SRD5A3: variants seen among roughly 807,000 people sequenced by gnomAD.
The protein encoded by SRD5A3 is steroid 5 alpha-reductase 3, also known as polyprenal reductase.
In SRD5A3, 24 loss-of-function variants were observed where a neutral mutation model predicts 34.3. The ratio of observed to expected loss-of-function variants is 0.70; its 90% CI spans 0.51 to 0.99. The LOEUF (loss-of-function observed/expected upper bound fraction) is 0.99. SRD5A3 is among the 50% of genes least tolerant of loss of function. The probability of loss-of-function intolerance (pLI) is 0.00; values close to 1 mark genes in which losing one functional copy is unlikely to be tolerated. For missense variants in SRD5A3, 350 were observed against 388.2 expected (o/e 0.90, Z 0.83); for synonymous variants, 161 against 167.3 (o/e 0.96, Z 0.29).
At chr4:55,353,880 C>T (rs112226516) in intron 1 of SRD5A3, among the ~76,000 whole-genome samples, 69 of 152,286 alleles carry the variant, frequency 4.5e-4, no homozygotes, top group African/African-American at 1.3e-3. Flanking sequence ...ACACTCACTG[C>T]GAGAGTCCAC....
At chr4:55,353,676 G>C (rs377066542) in intron 1 of SRD5A3, among the ~76,000 whole-genome samples, 1 of 151,698 alleles carries the variant, frequency 6.6e-6, no homozygotes, top group African/African-American at 2.4e-5. Flanking sequence ...TGAAGTCAGC[G>C]AGACCACGAA....
rs1560373656 is a variant in SRD5A3, at chr4:55,367,658, CT to C, written c.634del (p.Trp212GlyfsTer46). ...FHILGMMMFI[W>X]SSAHQYKCHV... is the part of the protein sequence containing the mutation. ...ATATTCTTGGGATGATGATGTTCAT[CT>C]GGTCATCTGCCCATCAGTATAAGTG... On this transcript the variant is annotated frameshift_variant, in exon 4 of 5. Coordinates refer to ENST00000264228, the MANE Select transcript of SRD5A3 (RefSeq NM_024592.5). LOFTEE classifies it high-confidence loss of function. 1 of 1,613,966 alleles carries C rather than the reference CT, an allele frequency of 6.2e-7. No homozygotes were observed. Among genetic ancestry groups the C allele is most frequent in the Non-Finnish European group, 8.5e-7 (1 of 1,179,984 alleles).
chr4:55,370,119 C>T lies in SRD5A3; in HGVS notation c.*28C>T. On this transcript the variant is annotated 3_prime_UTR_variant, in exon 5 of 5. Coordinates refer to ENST00000264228, the MANE Select transcript of SRD5A3 (RefSeq NM_024592.5). ...TAACCTCAGTCATGAAGAATGCAAA[C>T]CAGGTGATGGTTTCAATGCCTAAGG... 6.2e-7 allele frequency: 1 copy of T among 1,611,626 alleles called. No individual in the cohort carries two copies. Among genetic ancestry groups the T allele is most frequent in the Non-Finnish European group, 8.5e-7 (1 of 1,179,954 alleles).
Position 55,368,930 on chromosome 4 carries a change from G to T in SRD5A3, c.698-902G>T, listed in dbSNP as rs528711652. On this transcript the variant is annotated intron_variant, in intron 4 of 4. Coordinates refer to ENST00000264228, the MANE Select transcript of SRD5A3 (RefSeq NM_024592.5). The stretch of plus-strand genomic sequence containing the variant: ...ATTTTTATATTTTTAGTAGAGCTGG[G>T]GTTTCACCATGTTGGCCAGGCTGGT... Among the ~76,000 whole-genome samples the T allele has an allele frequency of 4.6e-5, 7 of 151,788 alleles. No homozygotes were observed. The South Asian group carries it at 1.2e-3, about 27-fold the overall frequency.
Position 55,370,480 on chromosome 4 carries a change from GATC to G in SRD5A3, c.*394_*396del, listed in dbSNP as rs1343531952. On this transcript the variant is annotated 3_prime_UTR_variant, in exon 5 of 5. Coordinates refer to ENST00000264228, the MANE Select transcript of SRD5A3 (RefSeq NM_024592.5). The stretch of plus-strand genomic sequence containing the variant: ...ACACACACACACACACACAAAGGAA[GATC>G]ATCAATGGCTGCGGTAGCCTAGTAG... 1 of 266,982 alleles carries G rather than the reference GATC, an allele frequency of 3.7e-6. No individual in the cohort carries two copies. Among genetic ancestry groups the G allele is most frequent in the Non-Finnish European group, 7.0e-6 (1 of 141,938 alleles). The allele number at this position is 266,982 out of a possible 1,614,324, so 16.5% of individuals were successfully genotyped here.
chr4:55,351,734 A>G (rs962526675), intron 1 of SRD5A3: 1 of 425,506 alleles, frequency 2.4e-6, no homozygotes, highest in Admixed American at 2.8e-5. Flanking sequence ...ATAATAATTC[A>G]TGCTCTTGCA....
chr4:55,365,912 CTG>C (rs1719878711), intron 3 of SRD5A3, among the ~76,000 whole-genome samples: 1 of 152,212 alleles, frequency 6.6e-6, no homozygotes, highest in African/African-American at 2.4e-5. Context: ...TTGAGCTTCT[CTG>C]AGCCTCACAG....
chr4:55,347,675 G>C (rs1030143898), intron 1 of SRD5A3, among the ~76,000 whole-genome samples: 10 of 152,164 alleles, frequency 6.6e-5, no homozygotes, highest in African/African-American at 2.4e-4. Context: ...GTTGTCGCTT[G>C]AAACACTCAT....
intron 1 of SRD5A3, 66 bp downstream of exon 1, chr4:55,346,623 CGGGCAGCCAGCAGG>C: frequency 2.8e-6 from 4 of 1,428,120 alleles, no homozygotes; most frequent in Non-Finnish European, 3.7e-6. Flanking sequence ...CCCCGGCTCG[CGGGCAGCCAGCAGG>C]GGGCAGCAGA....
chr4:55,359,158 G>T, intron 1 of SRD5A3, 188 bp from the exon 2 acceptor site: 1 of 689,514 alleles, frequency 1.5e-6, no homozygotes, highest in Non-Finnish European at 2.4e-6. Flanking sequence ...AAAGTTAACT[G>T]GTCCCGTTAT....
chr4:55,368,565 C>T (rs1719996395), intron 4 of SRD5A3, among the ~76,000 whole-genome samples: 1 of 150,130 alleles, frequency 6.7e-6, no homozygotes, highest in Non-Finnish European at 1.5e-5. Flanking sequence ...GCTGGGACTA[C>T]AGGTGCGCAC....
chr4:55,368,717 C>T (rs1053692607), intron 4 of SRD5A3, among the ~76,000 whole-genome samples: 3 of 151,170 alleles, frequency 2.0e-5, no homozygotes, highest in Non-Finnish European at 4.4e-5. Flanking sequence ...TGCACCACTA[C>T]ACCCGGCCTA....
intron 1 of SRD5A3, among the ~76,000 whole-genome samples, chr4:55,358,311 T>G (rs1719546723): frequency 1.3e-5 from 2 of 152,054 alleles, no homozygotes; most frequent in Non-Finnish European, 1.5e-5. Context: ...GGGAGGGATC[T>G]CTTGAGCCCA....
In SRD5A3 at chr4:55,352,348, C is replaced by G. The variant is rs531108669; in HGVS notation, c.221+5791C>G. The stretch of plus-strand genomic sequence containing the variant: ...TTATCCTTTTCTGTAAGCCTCTGAT[C>G]CCTGAGACTAAGCATTCACTTCATG... On this transcript the variant is annotated intron_variant, in intron 1 of 4. Coordinates refer to ENST00000264228, the MANE Select transcript of SRD5A3 (RefSeq NM_024592.5). 6.3e-6 allele frequency: 5 copies of G among 791,170 alleles called. No individual in the cohort carries two copies. In the East Asian group the frequency reaches 1.2e-4, roughly 19 times the overall value. 49.0% of individuals were successfully genotyped at this position (791,170 alleles called of 1,614,324 possible).
chr4:55,369,735 A>G, intron 4 of SRD5A3, 97 bp from the exon 5 acceptor site: 15 of 1,500,270 alleles, frequency 1.0e-5, no homozygotes, highest in Middle Eastern at 2.1e-4. Context: ...TGCCTCAAAA[A>G]AAAAAAAAAA....
At chr4:55,357,742 A>G (rs1280285606) in intron 1 of SRD5A3, among the ~76,000 whole-genome samples, 3 of 152,164 alleles carry the variant, frequency 2.0e-5, no homozygotes, top group Admixed American at 6.5e-5. Flanking sequence ...GTCTTGCTCT[A>G]TTGCCCAGGC....
intron 1 of SRD5A3, among the ~76,000 whole-genome samples, chr4:55,350,662 A>G (rs1719153372): frequency 6.6e-6 from 1 of 152,162 alleles, no homozygotes; most frequent in Non-Finnish European, 1.5e-5. Flanking sequence ...ATAACACTCT[A>G]TTATTAAGTA....
Position 55,346,289 on chromosome 4 carries a change from T to A in SRD5A3, c.-48T>A, listed in dbSNP as rs779473277. 5.9e-6 allele frequency: 8 copies of A among 1,358,546 alleles called. No individual in the cohort carries two copies. The highest frequency in any genetic ancestry group is 1.9e-6 in the Non-Finnish European group (2 of 1,059,752). The allele number at this position is 1,358,546 out of a possible 1,614,324, so 84.2% of individuals were successfully genotyped here. A position where few individuals can be genotyped will look rare whatever the true frequency, so the allele number is the denominator to read the frequency against. On this transcript the variant is annotated 5_prime_UTR_variant, in exon 1 of 5. Transcript: ENST00000264228. ...CGCTAGTGGCCGCTCTTCCGCGGGC[T>A]AGCGGGCGGTGGGGGCGCCAGCAGC...
chr4:55,352,178 T>G lies in SRD5A3; in HGVS notation c.221+5621T>G, dbSNP rs1017988053. On this transcript the variant is annotated intron_variant, in intron 1 of 4. Transcript: ENST00000264228. Reference sequence around the variant, plus strand: ...GTCTGGTTTGGCTTTTATGGAAAAGTTGATAAAGGTTGGTATCAATGAGGA... The same window carrying G: ...GTCTGGTTTGGCTTTTATGGAAAAGGTGATAAAGGTTGGTATCAATGAGGA... 1.6e-5 allele frequency: 14 copies of G among 901,910 alleles called. No homozygotes were observed. In the Admixed American group the frequency reaches 1.9e-4, roughly 12 times the overall value. The allele number at this position is 901,910 out of a possible 1,614,324, so 55.9% of individuals were successfully genotyped here. A position where few individuals can be genotyped will look rare whatever the true frequency, so the allele number is the denominator to read the frequency against.
Sources: gnomAD v4.1 joint callset for allele counts (sites outside exome capture counted in the v4.1 genomes callset) on GRCh38, gnomAD v4.1.1 for gene constraint, MANE v1.5 for transcripts, NCBI Gene and HGNC (gene_info 2026-07-23, HGNC 2026-07-21) for gene names.